The following PCDHA4 variants were observed in gnomAD, a reference collection of about 807,000 sequenced individuals.
The protein encoded by PCDHA4 is protocadherin alpha 4.
PCDHA4 carries 49 observed loss-of-function variants against 61.4 expected under a neutral mutation model. The observed-to-expected ratio is 0.80, with a 90% confidence interval of 0.63 to 1.01. The LOEUF (loss-of-function observed/expected upper bound fraction) is 1.01, where lower values mean the gene tolerates loss of function less well. Ranked by LOEUF, PCDHA4 falls within the 50% of genes least tolerant of loss-of-function variation. PCDHA4 has a pLI of 0.00. For synonymous variants in PCDHA4, 590 were observed against 550.3 expected (o/e 1.07, Z -1.01); for missense variants, 1,254 against 1,235.8 (o/e 1.01, Z -0.22).
chr5:140,849,536 T>C lies in PCDHA4; in HGVS notation c.2385+39964T>C, dbSNP rs2150439955. On this transcript the variant is annotated intron_variant, in intron 1 of 3. Transcript: ENST00000530339. ...AAGTTGTGGATGTAAATGACAATGC[T>C]CCACAGTTGACTATCAAAACGCTCT... The C allele has an allele frequency of 1.9e-6, 3 of 1,597,980 alleles. 1 individual carries two copies. Among genetic ancestry groups the C allele is most frequent in the Non-Finnish European group, 2.6e-6 (3 of 1,167,716 alleles).
chr5:140,876,715 C>A (rs570565884), intron 1 of PCDHA4: 7 of 1,614,232 alleles, frequency 4.3e-6, no homozygotes, highest in East Asian at 2.2e-5. Context: ...CGCCCTGGAC[C>A]GCGAGAGCGT....
At chr5:140,820,411 T>G (rs72800974) in intron 1 of PCDHA4, among the ~76,000 whole-genome samples, 2 of 151,990 alleles carry the variant, frequency 1.3e-5, no homozygotes, top group Non-Finnish European at 2.9e-5. Context: ...ATTTTAAATG[T>G]AAAAGTATCC....
Position 140,929,272 on chromosome 5 carries a change from T to G in PCDHA4, c.2386-49677T>G, listed in dbSNP as rs560527071. Reference sequence around the variant, plus strand: ...TGGGGTAGGACTGAATTTGCCAATATCCTGTATTCAGATTCGGAATAGGAA... The same window carrying G: ...TGGGGTAGGACTGAATTTGCCAATAGCCTGTATTCAGATTCGGAATAGGAA... On this transcript the variant is annotated intron_variant, in intron 1 of 3. Transcript: ENST00000530339. The G allele has an allele frequency of 1.3e-4, 206 of 1,607,152 alleles. 1 individual carries two copies. The South Asian group carries it at 2.1e-3, about 17-fold the overall frequency.
intron 1 of PCDHA4, chr5:140,850,085 G>A: frequency 1.3e-6 from 2 of 1,596,624 alleles, no homozygotes; most frequent in Non-Finnish European, 1.7e-6. Flanking sequence ...AGCTGGAGCT[G>A]CTACAGTTCC....
Position 140,808,300 on chromosome 5 carries a change from G to C in PCDHA4, c.1113G>C (p.Leu371=), listed in dbSNP as rs1764141064. The change falls in exon 1 of 4, where the codon CTG becomes CTC. Residue 371 remains leucine, a synonymous_variant. Transcript: ENST00000530339. The part of the protein sequence containing the change: ...EDAPLGTVIA[L]ISVSDKDMGV... ...CTCCACTGGGTACAGTCATCGCCCT[G>C]ATCAGCGTGTCCGACAAAGACATGG... 1 of 1,614,256 alleles carries C rather than the reference G, an allele frequency of 6.2e-7. No individual in the cohort carries two copies. Among genetic ancestry groups the C allele is most frequent in the African/African-American group, 1.3e-5 (1 of 75,072 alleles).
At chr5:140,838,089 T>C (rs1418087315) in intron 1 of PCDHA4, among the ~76,000 whole-genome samples, 2 of 121,978 alleles carry the variant, frequency 1.6e-5, no homozygotes, top group East Asian at 4.2e-4. Flanking sequence ...TGTGTGTGTG[T>C]GTGTGTGTGT....
intron 1 of PCDHA4, among the ~76,000 whole-genome samples, chr5:140,962,957 C>T (rs915413264): frequency 1.3e-5 from 2 of 152,014 alleles, no homozygotes; most frequent in Non-Finnish European, 2.9e-5. Flanking sequence ...ATGCTCTATC[C>T]CTATATAGGA....
chr5:140,847,333 C>T (rs2150399030), intron 1 of PCDHA4: 10 of 149,874 alleles, frequency 6.7e-5, no homozygotes, highest in African/African-American at 1.9e-4. Flanking sequence ...TTGTTAAATG[C>T]ACCTCTTAGG....
intron 1 of PCDHA4, among the ~76,000 whole-genome samples, chr5:140,932,493 T>A (rs148938081): frequency 6.6e-6 from 1 of 152,006 alleles, no homozygotes; most frequent in East Asian, 1.9e-4. Context: ...CTTTGCAATG[T>A]CATTTGTTAA....
At chr5:140,867,906 T>C (rs1183238322) in intron 1 of PCDHA4, 1 of 152,148 alleles carries the variant, frequency 6.6e-6, no homozygotes, top group African/African-American at 2.4e-5. Context: ...TTACAGAAGG[T>C]ATAATTAAAA....
At position 140,870,930 on chromosome 5, in the gene PCDHA4, A is replaced by G. The variant is rs373236202; in HGVS notation, c.2385+61358A>G. ...GCTACAACGCGTGGCTTTCATATGA[A>G]TTGCAGCCGGCGGCGGGCGGCTCGC... On this transcript the variant is annotated intron_variant, in intron 1 of 3. Coordinates refer to ENST00000530339, the MANE Select transcript of PCDHA4 (RefSeq NM_018907.4). 1.9e-6 allele frequency: 3 copies of G among 1,613,850 alleles called. No homozygotes were observed. The East Asian group carries it at 6.7e-5, about 36-fold the overall frequency.
chr5:140,929,428 G>A, intron 1 of PCDHA4: 1 of 1,491,484 alleles, frequency 6.7e-7, no homozygotes. Flanking sequence ...TTCATCAATT[G>A]AACTAAACAC....
rs1478776734 is a variant in PCDHA4 at position 141,010,917 on chromosome 5, A to G, written c.*980A>G. ...TACAATTCCCCTAAACTCTCCTCAA[A>G]AGAGAATTCAGTCTACAGCCATTTA... On this transcript the variant is annotated 3_prime_UTR_variant, in exon 4 of 4. Coordinates refer to ENST00000530339, the MANE Select transcript of PCDHA4 (RefSeq NM_018907.4). The G allele has an allele frequency of 6.5e-6, 1 of 153,776 alleles. No homozygotes were observed. The highest frequency in any genetic ancestry group is 1.5e-5 in the Non-Finnish European group (1 of 68,048). The allele number at this position is 153,776 out of a possible 1,614,324, so 9.5% of individuals were successfully genotyped here.
At position 140,834,385 on chromosome 5, in the gene PCDHA4, T is replaced by G. The variant is rs200135571; in HGVS notation, c.2385+24813T>G. The G allele has an allele frequency of 5.7e-5, 89 of 1,568,318 alleles. No homozygotes were observed. In the African/African-American group the frequency reaches 1.1e-3, roughly 20 times the overall value. On this transcript the variant is annotated intron_variant, in intron 1 of 3. Transcript: ENST00000530339. ...AGAAAAACAAGCCAATAATTTGAAA[T>G]GGTGTGCCCGAATGGATACGACCCA...
intron 3 of PCDHA4, among the ~76,000 whole-genome samples, chr5:140,992,128 G>GACTGATGAT (rs2097493639): frequency 6.6e-6 from 1 of 151,816 alleles, no homozygotes; most frequent in Non-Finnish European, 1.5e-5. Context: ...GAAGAACAGT[G>GACTGATGAT]ACTGATGATG....
At chr5:140,851,219 C>A (rs2041993259) in intron 1 of PCDHA4, 5 of 1,147,562 alleles carry the variant, frequency 4.4e-6, no homozygotes, top group Non-Finnish European at 4.5e-6. Context: ...ACATTAACAT[C>A]ACTATCATTT....
rs2150251628 is a variant in PCDHA4, at chr5:140,836,057, G to C, written c.2385+26485G>C. On this transcript the variant is annotated intron_variant, in intron 1 of 3. Coordinates refer to ENST00000530339, the MANE Select transcript of PCDHA4 (RefSeq NM_018907.4). The stretch of plus-strand genomic sequence containing the variant: ...CGCTGCAGGTGTTCGTGCTGGACGA[G>C]AACGACAACGCGCCGGCACTGCTGG... The C allele has an allele frequency of 3.1e-6, 5 of 1,613,614 alleles. No homozygotes were observed. In the South Asian group the frequency reaches 4.4e-5, roughly 14 times the overall value.
At chr5:140,967,331 C>T (rs2096128497) in intron 1 of PCDHA4, 1 of 1,608,078 alleles carries the variant, frequency 6.2e-7, no homozygotes, top group African/African-American at 1.3e-5. Context: ...CGAGCTCAGC[C>T]CCAGCGAGCA....
At chr5:140,950,006 G>A (rs2094439907) in intron 1 of PCDHA4, among the ~76,000 whole-genome samples, 1 of 151,676 alleles carries the variant, frequency 6.6e-6, no homozygotes, top group African/African-American at 2.4e-5. Context: ...ACTTAATAGT[G>A]TACAACCTTC....
Sources: allele counts gnomAD v4.1 joint callset (sites outside exome capture counted in the v4.1 genomes callset), GRCh38; gene constraint gnomAD v4.1.1; transcripts MANE v1.5; gene names NCBI Gene and HGNC (gene_info 2026-07-23, HGNC 2026-07-21).